FBXL13: variants seen among roughly 807,000 people sequenced by gnomAD.
FBXL13 encodes F-box and leucine rich repeat protein 13, also known as F-box and leucine-rich repeat protein 13.
Under a neutral mutation model 83.6 loss-of-function variants are expected in FBXL13, and 67 were observed. The ratio of observed to expected loss-of-function variants is 0.80; its 90% confidence interval spans 0.66 to 0.98. The LOEUF is 0.98. Among genes scored for constraint, FBXL13 ranks in the 50% least tolerant of loss-of-function variants. The pLI is 0.00. For missense variants in FBXL13, 822 were observed against 866.5 expected (o/e 0.95, Z 0.64); for synonymous variants, 272 against 299.5 (o/e 0.91, Z 0.95).
chr7:102,887,484 CAG>C (rs1810955814), intron 11 of FBXL13, among the ~76,000 whole-genome samples: 2 of 152,042 alleles, frequency 1.3e-5, no homozygotes, highest in South Asian at 4.2e-4. Context: ...GAGAAAGAGA[CAG>C]AGTGAGAAAT....
intron 11 of FBXL13, among the ~76,000 whole-genome samples, chr7:102,892,482 A>C (rs534157995): frequency 1.3e-5 from 2 of 152,262 alleles, no homozygotes; most frequent in Non-Finnish European, 2.9e-5. Flanking sequence ...ATTTTTTTTC[A>C]ACACAGGTTG....
intron 6 of FBXL13, among the ~76,000 whole-genome samples, chr7:103,004,252 A>G (rs62482898): frequency 0.013 from 1,941 of 152,210 alleles, 32 homozygotes; most frequent in Non-Finnish European, 0.02. Flanking sequence ...CTGGATTGCT[A>G]CCTCCTTTTC....
chr7:102,835,897 C>G (rs1801880712), intron 17 of FBXL13, among the ~76,000 whole-genome samples: 1 of 152,244 alleles, frequency 6.6e-6, no homozygotes, highest in Middle Eastern at 3.4e-3. Flanking sequence ...GCGTGAGCCA[C>G]CGCGCCCGGC....
At chr7:102,878,448 A>G (rs374906706) in exon 15 of FBXL13, 9 of 1,582,400 alleles carry the variant, frequency 5.7e-6, no homozygotes, top group South Asian at 1.2e-5. Flanking sequence ...CATATCACCA[A>G]TTCTGTAGGA....
At chr7:102,813,561 T>C (rs898156986) in intron 19 of FBXL13, 30 bp from the exon 21 acceptor site, 7 of 1,599,586 alleles carry the variant, frequency 4.4e-6, no homozygotes, top group Middle Eastern at 1.7e-4. Flanking sequence ...CATTAGCTAG[T>C]TGCAGAAGTA....
chr7:102,834,502 T>C (rs920234408), intron 17 of FBXL13: 2 of 149,182 alleles, frequency 1.3e-5, no homozygotes, highest in East Asian at 3.9e-4. Context: ...ACAAAATAGA[T>C]TCTCTAGCTA....
intron 1 of FBXL13, among the ~76,000 whole-genome samples, chr7:103,063,645 C>A (rs1798126395): frequency 6.6e-6 from 1 of 150,834 alleles, no homozygotes; most frequent in African/African-American, 2.4e-5. Context: ...AAAACTGAAG[C>A]AGAGAGATTT....
intron 6 of FBXL13, chr7:102,976,066 G>A (rs1334076506): frequency 1.3e-6 from 1 of 766,406 alleles, no homozygotes; most frequent in East Asian, 2.4e-5. Context: ...AAGTTGGACT[G>A]TGAGCGGCCC....
At chr7:102,874,244 G>T in intron 16 of FBXL13, 1 of 628,212 alleles carries the variant, frequency 1.6e-6, no homozygotes, top group Non-Finnish European at 2.0e-6. Flanking sequence ...CACTTACTCA[G>T]ACCTATAATC....
At chr7:103,057,415 G>GC (rs566190343) in intron 1 of FBXL13, among the ~76,000 whole-genome samples, 127 of 21,890 alleles carry the variant, frequency 5.8e-3, no homozygotes, top group South Asian at 0.017. Context: ...CATTGGGGTT[G>GC]GGGGGGGTTG....
intron 2 of FBXL13, among the ~76,000 whole-genome samples, chr7:103,037,462 T>A (rs906399404): frequency 2.0e-5 from 3 of 152,228 alleles, no homozygotes; most frequent in African/African-American, 7.2e-5. Flanking sequence ...GGGTTTTTTT[T>A]ACACGATGCT....
At chr7:103,022,026 C>A (rs1793241285) in intron 6 of FBXL13, among the ~76,000 whole-genome samples, 1 of 152,148 alleles carries the variant, frequency 6.6e-6, no homozygotes, top group Non-Finnish European at 1.5e-5. Flanking sequence ...AAGACACATG[C>A]ACACGTATGT....
intron 6 of FBXL13, among the ~76,000 whole-genome samples, chr7:103,018,125 C>G (rs904637648): frequency 4.6e-5 from 7 of 152,318 alleles, no homozygotes; most frequent in East Asian, 3.9e-4. Context: ...CAGCGGATCT[C>G]TTGGCAGAAA....
At chr7:103,018,170 C>G (rs1318616260) in intron 6 of FBXL13, among the ~76,000 whole-genome samples, 1 of 152,144 alleles carries the variant, frequency 6.6e-6, no homozygotes, top group Non-Finnish European at 1.5e-5. Flanking sequence ...GGCCAATATT[C>G]AAAATTCTTA....
At chr7:103,011,624 T>A (rs1791632879) in intron 6 of FBXL13, among the ~76,000 whole-genome samples, 1 of 134,874 alleles carries the variant, frequency 7.4e-6, no homozygotes. Flanking sequence ...GGAGACAGAG[T>A]AAGACTCTGT....
chr7:102,830,502 C>A (rs1413796010), intron 18 of FBXL13, among the ~76,000 whole-genome samples: 5 of 152,192 alleles, frequency 3.3e-5, no homozygotes, highest in Non-Finnish European at 7.3e-5. Context: ...ACTAATAGAA[C>A]CAGATGATGC....
At position 102,854,977 on chromosome 7, in the gene FBXL13, A is replaced by C. The variant is rs538271937; in HGVS notation, c.1636-117T>G. On this transcript the variant is annotated intron_variant, in intron 16 of 19. Coordinates refer to ENST00000313221, the Ensembl canonical transcript of FBXL13. ...AAAAACCATTTATGAAAACTAATAA[A>C]TTTTAGTTGCTGTCATATTTCTTTA... 4.0e-5 allele frequency: 22 copies of C among 547,648 alleles called. No homozygotes were observed. In the African/African-American group the frequency reaches 4.3e-4, roughly 11 times the overall value. 33.9% of individuals were successfully genotyped at this position (547,648 alleles called of 1,614,324 possible). A position where few individuals can be genotyped will look rare whatever the true frequency, so the allele number is the denominator to read the frequency against.
intron 2 of FBXL13, 108 bp downstream of exon 3, chr7:103,054,980 C>G (rs1438024829): frequency 1.7e-6 from 1 of 585,464 alleles, no homozygotes; most frequent in African/African-American, 2.0e-5. Context: ...GTGCCCCCAA[C>G]AACAAAAACA....
At chr7:102,855,414 A>G (rs1805892002) in intron 16 of FBXL13, among the ~76,000 whole-genome samples, 1 of 152,144 alleles carries the variant, frequency 6.6e-6, no homozygotes, top group Non-Finnish European at 1.5e-5. Context: ...TAATTTAAAA[A>G]AAGAGATTGC....
Sources: allele counts gnomAD v4.1 joint callset (sites outside exome capture counted in the v4.1 genomes callset), GRCh38; gene constraint gnomAD v4.1.1; transcripts MANE v1.5; gene names NCBI Gene and HGNC (gene_info 2026-07-23, HGNC 2026-07-21).